Variants in ARHGAP42 observed in about 807,000 individuals in gnomAD.
ARHGAP42 encodes the protein rho GTPase-activating protein 42.
Under a neutral mutation model 125.0 loss-of-function variants are expected in ARHGAP42, and 63 were observed. The ratio of observed to expected loss-of-function variants is 0.50; its 90% CI spans 0.41 to 0.62. The LOEUF (loss-of-function observed/expected upper bound fraction) is 0.62, where lower values mean the gene tolerates loss of function less well. Among genes scored for constraint, ARHGAP42 ranks in the 20% least tolerant of loss-of-function variants. The pLI is 0.00. For missense variants in ARHGAP42, 766 were observed against 1,024.2 expected (o/e 0.75, Z 3.44); for synonymous variants, 339 against 351.0 (o/e 0.97, Z 0.38).
chr11:100,924,323 A>T (rs1348972823), intron 6 of ARHGAP42, among the ~76,000 whole-genome samples: 2 of 152,084 alleles, frequency 1.3e-5, no homozygotes, highest in Non-Finnish European at 2.9e-5. Context: ...CAATATCAAG[A>T]TCTTACTGCT....
At chr11:100,738,696 A>G (rs911325415) in intron 1 of ARHGAP42, among the ~76,000 whole-genome samples, 1 of 152,198 alleles carries the variant, frequency 6.6e-6, no homozygotes, top group Admixed American at 6.5e-5. Flanking sequence ...GAGAAGTACT[A>G]TTGCTGCTGA....
intron 4 of ARHGAP42, among the ~76,000 whole-genome samples, chr11:100,903,375 T>A (rs11224510): frequency 0.18 from 27,792 of 151,942 alleles, 3,522 homozygotes; most frequent in East Asian, 0.45. Flanking sequence ...TCAGTTCATA[T>A]TTGTTCATCC....
Position 100,992,961 on chromosome 11 carries a change from G to A in ARHGAP42, c.*4160G>A. The A allele has an allele frequency of 2.5e-6, 1 of 407,274 alleles. No individual in the cohort carries two copies. Among genetic ancestry groups the A allele is most frequent in the Admixed American group, 4.2e-5 (1 of 23,720 alleles). The allele number at this position is 407,274 out of a possible 1,614,324, so 25.2% of individuals were successfully genotyped here. A position where few individuals can be genotyped will look rare whatever the true frequency, so the allele number is the denominator to read the frequency against. On this transcript the variant is annotated 3_prime_UTR_variant, in exon 24 of 24. Coordinates refer to ENST00000298815, the MANE Select transcript of ARHGAP42 (RefSeq NM_152432.4). Reference sequence around the variant, plus strand: ...GTGTGGATTTTTCTTGGTGCTCTATGGAGAAATGGAGTCTGTGTGCTTACT... The same window carrying A: ...GTGTGGATTTTTCTTGGTGCTCTATAGAGAAATGGAGTCTGTGTGCTTACT...
chr11:100,965,858 G>A, intron 17 of ARHGAP42, 82 bp downstream of exon 17: 1 of 1,198,460 alleles, frequency 8.3e-7, no homozygotes, highest in Middle Eastern at 2.0e-4. Flanking sequence ...GTGTGATGAT[G>A]TTATAACATT....
chr11:100,810,547 A>T (rs1356274722), intron 3 of ARHGAP42, among the ~76,000 whole-genome samples: 3 of 152,212 alleles, frequency 2.0e-5, no homozygotes, highest in Non-Finnish European at 1.5e-5. Context: ...ATGAAAAATG[A>T]TGTACTCTTC....
chr11:100,802,416 CT>C (rs1863877283), intron 3 of ARHGAP42, among the ~76,000 whole-genome samples: 1 of 114,042 alleles, frequency 8.8e-6, no homozygotes, highest in South Asian at 3.2e-4. Context: ...TCCATTTCTC[CT>C]TTCTTTCTTT....
intron 4 of ARHGAP42, among the ~76,000 whole-genome samples, chr11:100,873,987 T>C (rs1348302866): frequency 6.6e-6 from 1 of 152,194 alleles, no homozygotes; most frequent in Non-Finnish European, 1.5e-5. Context: ...TTAATAATTA[T>C]TTACATTAGA....
intron 3 of ARHGAP42, among the ~76,000 whole-genome samples, chr11:100,841,388 T>C (rs1332142277): frequency 6.6e-6 from 1 of 152,136 alleles, no homozygotes; most frequent in Non-Finnish European, 1.5e-5. Flanking sequence ...TCCCCTCAAC[T>C]CTCAGTGGAT....
intron 1 of ARHGAP42, chr11:100,738,382 C>T (rs1862111005): frequency 6.6e-6 from 1 of 152,184 alleles, no homozygotes; most frequent in African/African-American, 2.4e-5. Flanking sequence ...GCTGATATTT[C>T]AGAGCTGCAG....
chr11:100,920,174 C>T (rs1867196326), intron 5 of ARHGAP42, among the ~76,000 whole-genome samples: 1 of 152,130 alleles, frequency 6.6e-6, no homozygotes, highest in Non-Finnish European at 1.5e-5. Flanking sequence ...ACTTTCTTCA[C>T]ATTTATTAGC....
At chr11:100,718,081 T>C (rs1216787490) in intron 1 of ARHGAP42, among the ~76,000 whole-genome samples, 1 of 152,120 alleles carries the variant, frequency 6.6e-6, no homozygotes, top group Non-Finnish European at 1.5e-5. Flanking sequence ...AAATAAAAAA[T>C]TGAGGTACAT....
Position 100,961,773 on chromosome 11 carries a change from G to A in ARHGAP42, c.1385+5G>A. ...TGGGCTGAAAAACTACCTCAGGTGA[G>A]GAGGGTTTAACTCCTGGTACTCTGG... is the stretch of plus-strand genomic sequence containing the variant. On this transcript the variant is annotated splice_donor_5th_base_variant and intron_variant, in intron 15 of 23. Coordinates refer to ENST00000298815, the MANE Select transcript of ARHGAP42 (RefSeq NM_152432.4). 6.4e-7 allele frequency: 1 copy of A among 1,550,770 alleles called. No homozygotes were observed. Among genetic ancestry groups the A allele is most frequent in the Non-Finnish European group, 8.7e-7 (1 of 1,146,084 alleles).
intron 8 of ARHGAP42, among the ~76,000 whole-genome samples, chr11:100,939,100 T>G (rs1867810970): frequency 6.6e-6 from 1 of 152,156 alleles, no homozygotes; most frequent in Non-Finnish European, 1.5e-5. Context: ...ATGTGGTGTT[T>G]ATGTTACCCA....
intron 4 of ARHGAP42, among the ~76,000 whole-genome samples, chr11:100,868,414 T>C (rs10895023): frequency 0.27 from 41,795 of 152,080 alleles, 5,983 homozygotes; most frequent in Non-Finnish European, 0.31. Flanking sequence ...AGATGTTGCC[T>C]TAAGCACTTT....
At chr11:100,758,310 T>C (rs1423379596) in intron 1 of ARHGAP42, among the ~76,000 whole-genome samples, 1 of 152,256 alleles carries the variant, frequency 6.6e-6, no homozygotes, top group Non-Finnish European at 1.5e-5. Flanking sequence ...GGAATGCAGA[T>C]ATCTATTAAC....
intron 3 of ARHGAP42, among the ~76,000 whole-genome samples, chr11:100,842,959 A>G (rs1252409093): frequency 2.0e-5 from 3 of 152,132 alleles, no homozygotes; most frequent in Non-Finnish European, 4.4e-5. Context: ...GAAGAAAATA[A>G]CCAAGATCAG....
At chr11:100,822,388 G>T (rs1287776941) in intron 3 of ARHGAP42, among the ~76,000 whole-genome samples, 1 of 152,018 alleles carries the variant, frequency 6.6e-6, no homozygotes, top group Non-Finnish European at 1.5e-5. Context: ...GTGGGTAGTG[G>T]GTGGCAGGTG....
rs1858383929 is a variant in ARHGAP42, at chr11:100,976,157, C to G, written c.1956C>G (p.Ser652=). 1 of 1,551,610 alleles carries G rather than the reference C, an allele frequency of 6.4e-7. No homozygotes were observed. The change falls in exon 20 of 24, where the codon TCC becomes TCG. Residue 652 remains serine, a synonymous_variant. Transcript: ENST00000298815. ...SEQNSTTKSA[S]CQPREKSGGI... is the part of the protein sequence containing the mutation. ...AAAATAGCACTACAAAGTCAGCTTCCTGCCAGCCCAGGGAGAAATCTGGAG... is the reference window on the plus strand; with the variant it reads ...AAAATAGCACTACAAAGTCAGCTTCGTGCCAGCCCAGGGAGAAATCTGGAG...
chr11:100,948,744 T>C (rs1487380273), intron 11 of ARHGAP42, among the ~76,000 whole-genome samples: 2 of 152,096 alleles, frequency 1.3e-5, no homozygotes, highest in African/African-American at 4.8e-5. Flanking sequence ...AAGGGGACTT[T>C]TGGGACTAAT....
Sources: allele counts gnomAD v4.1 joint callset (sites outside exome capture counted in the v4.1 genomes callset), GRCh38; gene constraint gnomAD v4.1.1; transcripts MANE v1.5; gene names NCBI Gene and HGNC (gene_info 2026-07-23, HGNC 2026-07-21).